Variants in POLQ observed in about 807,000 individuals in gnomAD.
POLQ encodes the protein DNA polymerase theta, also known as epididymis secretory sperm binding protein.
In POLQ, 233 loss-of-function variants were observed where a neutral mutation model predicts 259.2. That is an observed-to-expected ratio of 0.90 (90% confidence interval 0.81 to 1.00). The LOEUF is 1.00. Ranked by LOEUF, POLQ falls within the 50% of genes least tolerant of loss-of-function variation. POLQ has a pLI of 0.00. For synonymous variants in POLQ, 1,025 were observed against 1,048.8 expected (o/e 0.98, Z 0.44); for missense variants, 2,871 against 3,051.6 (o/e 0.94, Z 1.39).
At chr3:121,533,451 C>T (rs1455477083) in intron 5 of POLQ, among the ~76,000 whole-genome samples, 1 of 152,170 alleles carries the variant, frequency 6.6e-6, no homozygotes, top group Non-Finnish European at 1.5e-5. Context: ...TTCTATTGTT[C>T]CATAATCTTG....
At chr3:121,508,873 G>C (rs1257659939) in intron 12 of POLQ, among the ~76,000 whole-genome samples, 1 of 152,064 alleles carries the variant, frequency 6.6e-6, no homozygotes, top group Non-Finnish European at 1.5e-5. Flanking sequence ...TTTCTGATCA[G>C]GTTCTTGCCA....
At position 121,529,716 on chromosome 3, in the gene POLQ, G is replaced by A. The variant is rs771472582; in HGVS notation, c.1037C>T (p.Ser346Leu). Residue 346 changes from serine to leucine, a missense_variant, in exon 7 of 30, where the codon TCA becomes TTA. Coordinates refer to ENST00000264233, the MANE Select transcript of POLQ (RefSeq NM_199420.4). ...TGCCAGCTTCTCACACCATTTCTTT[G>A]ATGGACAAAAAAGTAATACTGAATG... ...DNHSVLLFCPSKKWCEKLADI... is the reference protein window; with the variant it reads ...DNHSVLLFCPLKKWCEKLADI... 3.1e-6 allele frequency: 5 copies of A among 1,612,062 alleles called. No individual in the cohort carries two copies. In the South Asian group the frequency reaches 5.5e-5, roughly 18 times the overall value.
At position 121,522,081 on chromosome 3, in the gene POLQ, G is replaced by A. The variant is rs773763185; in HGVS notation, c.1177C>T (p.Gln393Ter). ...EQKELLEVMD[Q>*]LRRLPSGLDS... ...AGTCCTGAAGGCAAACGTCTTAACT[G>A]ATCCATCACTTCCAGGAGTTCTTTT... is the stretch of plus-strand genomic sequence containing the variant. Residue 393 changes from glutamine to a stop codon, truncating the protein, a stop_gained, in exon 8 of 30, where the codon CAG (glutamine) becomes TAG (stop). Transcript: ENST00000264233. LOFTEE classifies it high-confidence loss of function. 1.2e-6 allele frequency: 2 copies of A among 1,610,316 alleles called. No homozygotes were observed. The highest frequency in any genetic ancestry group is 4.5e-5 in the East Asian group (2 of 44,594).
intron 25 of POLQ, among the ~76,000 whole-genome samples, chr3:121,457,732 A>G (rs962848385): frequency 2.0e-5 from 3 of 152,218 alleles, no homozygotes; most frequent in African/African-American, 7.2e-5. Context: ...ACGTCAGGAA[A>G]CAACAGGTGC....
At chr3:121,545,151 TAA>T (rs1334770826) in intron 1 of POLQ, among the ~76,000 whole-genome samples, 3 of 152,124 alleles carry the variant, frequency 2.0e-5, no homozygotes, top group Admixed American at 1.3e-4. Context: ...ACACAGTAGA[TAA>T]AGAGTGTTGG....
rs145499541 is a variant in POLQ at position 121,446,873 on chromosome 3, G to A, written c.7264+2442C>T. ...TGTTTCCTGTAGGGAACAGATCATT[G>A]GGTCTTGTTTTTCTTTTTTTAAAAA... On this transcript the variant is annotated intron_variant, in intron 26 of 29. Transcript: ENST00000264233. Among the ~76,000 whole-genome samples, 415 of 151,988 alleles carry A rather than the reference G, an allele frequency of 2.7e-3. 3 individuals carry two copies. Among genetic ancestry groups the A allele is most frequent in the African/African-American group, 9.0e-3 (375 of 41,474 alleles).
chr3:121,496,476 T>C (rs2048125787), intron 14 of POLQ, among the ~76,000 whole-genome samples: 1 of 151,876 alleles, frequency 6.6e-6, no homozygotes, highest in Admixed American at 6.6e-5. Context: ...CGCCCGGCAA[T>C]CAGTACCTTA....
At chr3:121,517,819 A>G (rs73857903) in intron 9 of POLQ, among the ~76,000 whole-genome samples, 2,130 of 152,312 alleles carry the variant, frequency 0.014, 54 homozygotes, top group African/African-American at 0.048. Context: ...CAGCCATCAT[A>G]TAAGGCCTAA....
Position 121,532,985 on chromosome 3 carries a change from T to C in POLQ, c.960+5A>G. On this transcript the variant is annotated splice_donor_5th_base_variant and intron_variant, in intron 6 of 29. Transcript: ENST00000264233. ...AATAGTAGTGATGTACATATATTGATTTACCTTCACTTGTAGCATGGGCTC... is the reference window on the plus strand; with the variant it reads ...AATAGTAGTGATGTACATATATTGACTTACCTTCACTTGTAGCATGGGCTC... 6.4e-7 allele frequency: 1 copy of C among 1,561,762 alleles called. No homozygotes were observed. The highest frequency in any genetic ancestry group is 8.8e-7 in the Non-Finnish European group (1 of 1,138,944).
intron 19 of POLQ, among the ~76,000 whole-genome samples, chr3:121,480,701 A>C (rs187041096): frequency 1.3e-5 from 2 of 152,322 alleles, no homozygotes; most frequent in Admixed American, 1.3e-4. Flanking sequence ...AAATTATAAT[A>C]ATCAACTAAC....
At chr3:121,460,514 C>T (rs78769857) in intron 24 of POLQ, among the ~76,000 whole-genome samples, 2,649 of 152,252 alleles carry the variant, frequency 0.017, 69 homozygotes, top group African/African-American at 0.059. Context: ...CCTACAGCAC[C>T]TGGCACATAA....
chr3:121,501,397 C>A (rs1442511704), intron 12 of POLQ, among the ~76,000 whole-genome samples: 1 of 151,486 alleles, frequency 6.6e-6, no homozygotes, highest in Non-Finnish European at 1.5e-5. Context: ...CGGTGGCTCA[C>A]GCCTGTAATC....
chr3:121,440,090 C>G lies in POLQ; in HGVS notation c.7291G>C (p.Val2431Leu). Residue 2431 changes from valine (V) to leucine (L), a missense_variant, in exon 27 of 30, where the codon GTG becomes CTG. By Grantham distance (32) the Val-to-Leu change is conservative (BLOSUM62 1). Around this residue, in one of 3 missense-constraint regions of POLQ, gnomAD observed 2,080 missense variants for 2,126.0 expected, o/e 0.98. Transcript: ENST00000264233. ...TGINQFMTETVKNCKRDGFVQ... is the reference protein window; with the variant it reads ...TGINQFMTETLKNCKRDGFVQ... ...AATCCGTCTCTTTTACAATTCTTCA[C>G]TGTCTCTGTCATGAATTGATTAATC... is the stretch of plus-strand genomic sequence containing the variant. 1 of 1,607,144 alleles carries G rather than the reference C, an allele frequency of 6.2e-7. No individual in the cohort carries two copies. Among genetic ancestry groups the G allele is most frequent in the Non-Finnish European group, 8.5e-7 (1 of 1,173,806 alleles).
intron 27 of POLQ, among the ~76,000 whole-genome samples, chr3:121,438,635 C>A (rs997110244): frequency 6.6e-6 from 1 of 152,208 alleles, no homozygotes; most frequent in African/African-American, 2.4e-5. Flanking sequence ...TCATTCCCAA[C>A]AGCCTAAACT....
intron 7 of POLQ, among the ~76,000 whole-genome samples, chr3:121,529,433 A>G (rs189906735): frequency 1.6e-4 from 25 of 152,362 alleles, no homozygotes; most frequent in African/African-American, 5.8e-4. Context: ...TCTAAAGCTG[A>G]TTAGTCTAAG....
In POLQ at chr3:121,490,353, G is replaced by A. The variant is rs1212760822; in HGVS notation, c.2578C>T (p.Arg860Ter). ...TTTCTGCCAGTCACCCAGATAGTTCGCATATTGCGACGTTCTTCAACTGCT... is the reference window on the plus strand; with the variant it reads ...TTTCTGCCAGTCACCCAGATAGTTCACATATTGCGACGTTCTTCAACTGCT... ...EEAVEERRNMRTIWVTGRKGL... is the reference protein window; with the variant it reads ...EEAVEERRNM Residue 860 changes from arginine (R) to a stop codon, truncating the protein, a stop_gained, in exon 16 of 30, where the codon CGA (arginine) becomes TGA (stop). Coordinates refer to ENST00000264233, the MANE Select transcript of POLQ (RefSeq NM_199420.4). LOFTEE classifies it high-confidence loss of function. 8.1e-6 allele frequency: 13 copies of A among 1,614,090 alleles called. 1 individual carries two copies. Among genetic ancestry groups the A allele is most frequent in the South Asian group, 5.5e-5 (5 of 91,090 alleles).
rs397745147 is a variant in POLQ, at chr3:121,535,733, A to AT, written c.740+1366_740+1367insA. On this transcript the variant is annotated intron_variant, in intron 5 of 29. Transcript: ENST00000264233. ...TCCATCTCAAAAAAAAAAAAAAAAA[A>AT]GAAAGAATTATGAGGCATTTTCAGA... Among the ~76,000 whole-genome samples, 19 of 151,198 alleles carry AT rather than the reference A, an allele frequency of 1.3e-4. No homozygotes were observed. In the East Asian group the frequency reaches 3.7e-3, roughly 29 times the overall value.
intron 22 of POLQ, among the ~76,000 whole-genome samples, chr3:121,468,846 G>A (rs563061974): frequency 9.5e-4 from 144 of 152,256 alleles, no homozygotes; most frequent in African/African-American, 3.4e-3. Context: ...ACATCATCTG[G>A]CTGTTTTTCT....
intron 28 of POLQ, among the ~76,000 whole-genome samples, chr3:121,434,495 C>T (rs2047527135): frequency 1.3e-5 from 2 of 152,148 alleles, no homozygotes; most frequent in South Asian, 4.1e-4. Context: ...CACAGTATTA[C>T]TCCCCAAATG....
Sources: gnomAD v4.1 joint callset for allele counts (sites outside exome capture counted in the v4.1 genomes callset) on GRCh38, gnomAD v4.1.1 for gene constraint, gnomAD v4.1.1 regional missense constraint, MANE v1.5 for transcripts, NCBI Gene and HGNC (gene_info 2026-07-23, HGNC 2026-07-21) for gene names.